The following LTBP1 variants were observed in gnomAD, a reference collection of about 807,000 sequenced individuals.
LTBP1 encodes the protein latent transforming growth factor beta binding protein 1.
Under a neutral mutation model 207.6 loss-of-function variants are expected in LTBP1, and 129 were observed. The observed-to-expected ratio is 0.62, with a 90% CI of 0.54 to 0.72. The LOEUF (loss-of-function observed/expected upper bound fraction) is 0.72, where lower values mean the gene tolerates loss of function less well. Ranked by LOEUF, LTBP1 falls within the 30% of genes least tolerant of loss-of-function variation. LTBP1 has a pLI of 0.00. For missense variants in LTBP1, 2,281 were observed against 2,217.2 expected, an observed-to-expected ratio of 1.03 and a Z score of -0.58; for synonymous variants, 963 against 833.7, an observed-to-expected ratio of 1.16 and a Z score of -2.67.
At chr2:33,034,254 A>G (rs1230947334) in intron 3 of LTBP1, among the ~76,000 whole-genome samples, 2 of 151,550 alleles carry the variant, frequency 1.3e-5, no homozygotes, top group Non-Finnish European at 2.9e-5. Context: ...GCTAAAATGC[A>G]TTTATTTCTC....
intron 26 of LTBP1, among the ~76,000 whole-genome samples, chr2:33,349,775 C>G (rs1241355676): frequency 6.6e-6 from 1 of 152,194 alleles, no homozygotes; most frequent in African/African-American, 2.4e-5. Context: ...TGGTTACATT[C>G]ATATTGTACT....
At chr2:33,069,456 G>A (rs2077677709) in intron 3 of LTBP1, among the ~76,000 whole-genome samples, 1 of 152,156 alleles carries the variant, frequency 6.6e-6, no homozygotes, top group Non-Finnish European at 1.5e-5. Context: ...CTCCTAGGAG[G>A]GCAACAAGCA....
chr2:33,099,289 T>C lies in LTBP1; in HGVS notation c.864-11293T>C, dbSNP rs538191193. On this transcript the variant is annotated intron_variant, in intron 3 of 33. Transcript: ENST00000404816. ...TGTAATAGAAAAAAAACAAGGCCAT[T>C]TGAGAAAAACAGAGTTTCTTGCATT... 6.6e-5 allele frequency among the ~76,000 whole-genome samples: 10 copies of C among 152,340 alleles called. 1 individual carries two copies. In the Middle Eastern group the frequency reaches 0.031, roughly 466 times the overall value.
intron 4 of LTBP1, among the ~76,000 whole-genome samples, chr2:33,125,880 A>G (rs559180651): frequency 2.0e-5 from 3 of 152,154 alleles, no homozygotes; most frequent in African/African-American, 7.2e-5. Flanking sequence ...AGCCACAAAC[A>G]TTACCTTAGA....
intron 3 of LTBP1, among the ~76,000 whole-genome samples, chr2:33,027,332 C>G (rs1414515715): frequency 2.0e-5 from 3 of 152,070 alleles, no homozygotes; most frequent in Non-Finnish European, 4.4e-5. Context: ...ATCTCTTATC[C>G]CACATAGTTA....
At chr2:33,152,821 A>G (rs1156649392) in intron 5 of LTBP1, among the ~76,000 whole-genome samples, 2 of 152,156 alleles carry the variant, frequency 1.3e-5, no homozygotes, top group Non-Finnish European at 2.9e-5. Flanking sequence ...AAAACCTGGG[A>G]TTTCCATTTA....
chr2:33,380,550 C>T (rs948726338), intron 31 of LTBP1, among the ~76,000 whole-genome samples: 2 of 151,552 alleles, frequency 1.3e-5, no homozygotes, highest in East Asian at 3.9e-4. Flanking sequence ...GCTTGGGGGA[C>T]AAGAGTGAAA....
chr2:33,257,279 T>C lies in LTBP1; in HGVS notation c.2168-5T>C. 6.2e-7 allele frequency: 1 copy of C among 1,609,694 alleles called. No individual in the cohort carries two copies. The highest frequency in any genetic ancestry group is 8.5e-7 in the Non-Finnish European group (1 of 1,176,070). On this transcript the variant is annotated splice_region_variant and splice_polypyrimidine_tract_variant and intron_variant, in intron 11 of 33. Coordinates refer to ENST00000404816, the MANE Select transcript of LTBP1 (RefSeq NM_206943.4). ...AAAAGGAATATTTTCCCATCCCAAA[T>C]CTAGCTGCTTTTAAGGAAATCTGTC...
intron 2 of LTBP1, among the ~76,000 whole-genome samples, chr2:33,017,605 GTTGTTTTGTT>G (rs373261423): frequency 5.9e-5 from 9 of 151,842 alleles, no homozygotes; most frequent in East Asian, 5.8e-4. Context: ...AAGGACATGA[GTTGTTTTGTT>G]TTGTTTTGTT....
intron 26 of LTBP1, among the ~76,000 whole-genome samples, 157 bp downstream of exon 26, chr2:33,347,667 C>T (rs560767603): frequency 1.3e-5 from 2 of 152,308 alleles, no homozygotes; most frequent in African/African-American, 4.8e-5. Flanking sequence ...CTGTGCCTGC[C>T]TTGTCAGTGG....
chr2:33,186,909 T>C lies in LTBP1; in HGVS notation c.1255T>C (p.Cys419Arg). ...TGGCCAGTGCAGTTCAAGGGACAAA[T>C]GTCAGTGCCCTCCAAATTTCACAGG... ...NGGQCSSRDK[C>R]QCPPNFTGKL... Residue 419 changes from cysteine to arginine, a missense_variant, in exon 6 of 34, where the codon TGT becomes CGT. By Grantham distance (180) the Cys-to-Arg change is radical. Coordinates refer to ENST00000404816, the MANE Select transcript of LTBP1 (RefSeq NM_206943.4). 6.2e-7 allele frequency: 1 copy of C among 1,614,202 alleles called. No homozygotes were observed. Among genetic ancestry groups the C allele is most frequent in the East Asian group, 2.2e-5 (1 of 44,880 alleles).
intron 5 of LTBP1, among the ~76,000 whole-genome samples, chr2:33,154,012 A>T (rs940297295): frequency 1.3e-5 from 2 of 152,166 alleles, no homozygotes; most frequent in African/African-American, 4.8e-5. Flanking sequence ...CGCTGTCAGG[A>T]GGCACTTCTC....
intron 5 of LTBP1, among the ~76,000 whole-genome samples, chr2:33,168,525 T>C (rs775085640): frequency 1.8e-4 from 28 of 152,154 alleles, no homozygotes; most frequent in Non-Finnish European, 3.5e-4. Flanking sequence ...AAATTTTTAA[T>C]ATTTAGTATT....
At chr2:33,350,289 G>A (rs891910311) in intron 26 of LTBP1, among the ~76,000 whole-genome samples, 1 of 152,162 alleles carries the variant, frequency 6.6e-6, no homozygotes, top group African/African-American at 2.4e-5. Flanking sequence ...ATGAGCAGTA[G>A]CATGATAATC....
At position 33,364,245 on chromosome 2, in the gene LTBP1, T is replaced by C. The variant is rs1181458311; in HGVS notation, c.4429T>C (p.Cys1477Arg). ...GGATGAATGTCAAGACCCCAGTAGT[T>C]GTATTGATGGCCAGTGTGTTAATAC... ...DMDECQDPSS[C>R]IDGQCVNTEG... Residue 1477 changes from cysteine (C) to arginine (R), a missense_variant, in exon 30 of 34, where the codon TGT becomes CGT. Transcript: ENST00000404816. The C allele has an allele frequency of 1.2e-6, 2 of 1,614,034 alleles. No individual in the cohort carries two copies. The highest frequency in any genetic ancestry group is 1.7e-6 in the Non-Finnish European group (2 of 1,179,970).
intron 2 of LTBP1, among the ~76,000 whole-genome samples, chr2:33,008,235 A>C (rs449227): frequency 0.88 from 133,118 of 151,988 alleles, 60,832 homozygotes; most frequent in East Asian, 1. Context: ...ATGAACCACT[A>C]ATAGTATGTT....
At chr2:33,243,448 C>G (rs2092403462) in intron 9 of LTBP1, among the ~76,000 whole-genome samples, 1 of 152,062 alleles carries the variant, frequency 6.6e-6, no homozygotes. Flanking sequence ...TCCTTAGCAC[C>G]TGGCATGTAG....
At chr2:33,092,175 G>T (rs559131947) in intron 3 of LTBP1, among the ~76,000 whole-genome samples, 1 of 150,638 alleles carries the variant, frequency 6.6e-6, no homozygotes, top group Non-Finnish European at 1.5e-5. Context: ...GTGCACGTGC[G>T]CATGCACACA....
At chr2:32,953,535 C>T (rs1174493241) in intron 2 of LTBP1, among the ~76,000 whole-genome samples, 1 of 152,206 alleles carries the variant, frequency 6.6e-6, no homozygotes, top group Non-Finnish European at 1.5e-5. Flanking sequence ...AGGTCAAGTT[C>T]ACACTAGGTC....
Sources: allele counts gnomAD v4.1 joint callset (sites outside exome capture counted in the v4.1 genomes callset), GRCh38; gene constraint gnomAD v4.1.1; transcripts MANE v1.5; gene names NCBI Gene and HGNC (gene_info 2026-07-23, HGNC 2026-07-21).